The following TCAF2 variants were observed in gnomAD, a reference collection of about 807,000 sequenced individuals.
The protein encoded by TCAF2 is TRPM8 channel associated factor 2.
A neutral mutation model predicts 33.9 loss-of-function variants in TCAF2; 6 were observed. The ratio of observed to expected loss-of-function variants is 0.18; its 90% confidence interval spans 0.10 to 0.35. The LOEUF (loss-of-function observed/expected upper bound fraction) is 0.35, where lower values mean the gene tolerates loss of function less well. Among genes scored for constraint, TCAF2 ranks in the 10% least tolerant of loss-of-function variants. The pLI is 1.00. For missense variants in TCAF2, 109 were observed against 604.0 expected (o/e 0.18, Z 8.59); for synonymous variants, 41 against 247.8 (o/e 0.17, Z 7.84).
At chr7:143,718,335 G>A (rs373924746) in intron 2 of TCAF2, among the ~76,000 whole-genome samples, 6,736 of 141,744 alleles carry the variant, frequency 0.048, 232 homozygotes, top group Middle Eastern at 0.15. Flanking sequence ...GACGACCACT[G>A]AAGACATTTT....
intron 1 of TCAF2, among the ~76,000 whole-genome samples, chr7:143,634,985 A>AT (rs1808910224): frequency 8.2e-6 from 1 of 121,282 alleles, no homozygotes; most frequent in Non-Finnish European, 1.7e-5. Context: ...AGTTCTCTCT[A>AT]GTCCTTTTTT....
At chr7:143,725,356 T>C (rs1320553316) in intron 7 of TCAF2, among the ~76,000 whole-genome samples, 1 of 151,868 alleles carries the variant, frequency 6.6e-6, no homozygotes, top group East Asian at 1.9e-4. Context: ...TAGCCCTGCA[T>C]TGAATGTCGA....
Position 143,724,593 on chromosome 7 carries a change from G to T in TCAF2, c.2401G>T (p.Ala801Ser). Residue 801 changes from alanine (A) to serine (S), a missense_variant, in exon 7 of 8, where the codon GCT (alanine) becomes TCT (serine). Ala to Ser is a moderately conservative substitution (Grantham distance 99, BLOSUM62 1). Coordinates refer to ENST00000684770, the MANE Select transcript of TCAF2 (RefSeq NM_001363538.2). ...GATCCCCAGGGCTCAGGCCCACGAG[G>T]CTCTGAGCCCTCCAGAGCGAGAGAG... ...LGIPRAQAHE[A>S]LSPPERERRI... The T allele has an allele frequency of 6.2e-7, 1 of 1,610,940 alleles. No homozygotes were observed.
At chr7:143,624,252 C>T in intron 1 of TCAF2, 1 of 221,970 alleles carries the variant, frequency 4.5e-6, no homozygotes. Context: ...GGTACTGGGC[C>T]AGCCAGCACG....
At chr7:143,724,839 G>T (rs568967375) in intron 7 of TCAF2, 142 bp downstream of exon 7, 3 of 1,560,810 alleles carry the variant, frequency 1.9e-6, no homozygotes, top group African/African-American at 2.8e-5. Flanking sequence ...GGACTGGGCC[G>T]CAGGGTGGTG....
chr7:143,718,610 A>T (rs1043685805), intron 2 of TCAF2, among the ~76,000 whole-genome samples: 8 of 146,234 alleles, frequency 5.5e-5, no homozygotes, highest in Admixed American at 2.1e-4. Flanking sequence ...AAATTGTTTT[A>T]AAAAAATTCT....
In TCAF2 at chr7:143,729,387, C is replaced by T. The variant is rs1809759505; in HGVS notation, c.*1720C>T. ...GGTTTACAATTTAAACAAAATGTCACCTAGAAAATAGATGAAAATATGTTC... is the reference window on the plus strand; with the variant it reads ...GGTTTACAATTTAAACAAAATGTCATCTAGAAAATAGATGAAAATATGTTC... On this transcript the variant is annotated 3_prime_UTR_variant, in exon 8 of 8. Transcript: ENST00000684770. 6.6e-6 allele frequency: 1 copy of T among 152,120 alleles called. No individual in the cohort carries two copies. The highest frequency in any genetic ancestry group is 1.5e-5 in the Non-Finnish European group (1 of 68,030). The allele number at this position is 152,120 out of a possible 1,614,324, so 9.4% of individuals were successfully genotyped here.
At chr7:143,712,498 G>A (rs1167898675) in intron 2 of TCAF2, among the ~76,000 whole-genome samples, 1 of 101,318 alleles carries the variant, frequency 9.9e-6, no homozygotes, top group Non-Finnish European at 2.2e-5. Flanking sequence ...CTGCAAATAC[G>A]CATTGCACTC....
At position 143,707,336 on chromosome 7, in the gene TCAF2, A is replaced by G. The variant is rs1307811620; in HGVS notation, c.623+3719A>G. On this transcript the variant is annotated intron_variant, in intron 2 of 7. Transcript: ENST00000684770. ...CAGACTGAGACTCTGTCTCAAAAAAAAAAAAAAAAAAGTGTTAACATTGAA... is the reference window on the plus strand; with the variant it reads ...CAGACTGAGACTCTGTCTCAAAAAAGAAAAAAAAAAAGTGTTAACATTGAA... 6.8e-5 allele frequency among the ~76,000 whole-genome samples: 4 copies of G among 58,574 alleles called. 1 individual carries two copies. In the East Asian group the frequency reaches 1.5e-3, roughly 22 times the overall value. The allele number at this position is 58,574 out of a possible 152,430, so 38.4% of individuals were successfully genotyped here. A position where few individuals can be genotyped will look rare whatever the true frequency, so the allele number is the denominator to read the frequency against.
intron 1 of TCAF2, among the ~76,000 whole-genome samples, chr7:143,648,312 A>G (rs1365496145): frequency 2.4e-5 from 2 of 83,778 alleles, no homozygotes; most frequent in South Asian, 5.2e-4. Context: ...CCTTACTTGC[A>G]TATCTTAAAA....
Position 143,729,902 on chromosome 7 carries a change from T to C in TCAF2, c.*2235T>C, listed in dbSNP as rs1809775571. On this transcript the variant is annotated 3_prime_UTR_variant, in exon 8 of 8. Transcript: ENST00000684770. ...GTGTTAGTTTGCTGAGAATTATGGC[T>C]TCCAGCTTCATCCATGTCCCTGCAA... 1 of 152,182 alleles carries C rather than the reference T, an allele frequency of 6.6e-6. No individual in the cohort carries two copies. Among genetic ancestry groups the C allele is most frequent in the African/African-American group, 2.4e-5 (1 of 41,430 alleles). The allele number at this position is 152,182 out of a possible 1,614,324, so 9.4% of individuals were successfully genotyped here. A position where few individuals can be genotyped will look rare whatever the true frequency, so the allele number is the denominator to read the frequency against.
At chr7:143,718,523 A>C (rs1489700755) in intron 2 of TCAF2, among the ~76,000 whole-genome samples, 1 of 151,978 alleles carries the variant, frequency 6.6e-6, no homozygotes, top group Non-Finnish European at 1.5e-5. Flanking sequence ...TATTTTAATC[A>C]CTATATGGTT....
intron 1 of TCAF2, among the ~76,000 whole-genome samples, chr7:143,701,766 ATTTT>A (rs1294353309): frequency 1.9e-4 from 3 of 16,098 alleles, no homozygotes; most frequent in South Asian, 4.5e-3. Flanking sequence ...ATTTTACTTT[ATTTT>A]ATTTTATTTT....
chr7:143,647,476 C>G, intron 1 of TCAF2: 1 of 424,900 alleles, frequency 2.4e-6, no homozygotes, highest in East Asian at 3.5e-5. Flanking sequence ...CACCCGGCCC[C>G]GGCCATAGTG....
rs1809770675 is a variant in TCAF2 at position 143,729,678 on chromosome 7, T to G, written c.*2011T>G. 1 of 152,016 alleles carries G rather than the reference T, an allele frequency of 6.6e-6. No individual in the cohort carries two copies. Among genetic ancestry groups the G allele is most frequent in the Non-Finnish European group, 1.5e-5 (1 of 68,014 alleles). The allele number at this position is 152,016 out of a possible 1,614,324, so 9.4% of individuals were successfully genotyped here. On this transcript the variant is annotated 3_prime_UTR_variant, in exon 8 of 8. Transcript: ENST00000684770. ...TTACATAGGTATACATGTGCCATGG[T>G]GGTTTGCTGCACCTATCAATCCATC...
In TCAF2 at chr7:143,703,221, C is replaced by T; in HGVS notation, c.227C>T (p.Pro76Leu). 6.8e-7 allele frequency: 1 copy of T among 1,481,284 alleles called. No individual in the cohort carries two copies. The highest frequency in any genetic ancestry group is 1.2e-5 in the South Asian group (1 of 86,576). The allele number at this position is 1,481,284 out of a possible 1,614,324, so 91.8% of individuals were successfully genotyped here. The part of the protein sequence containing the change: ...EGYLSHTGLA[P>L]FLLNAVSWLC... ...TACCTGTCGCATACTGGCTTGGCTCCATTTCTCCTCAATGCAGTGAGCTGG... is the reference window on the plus strand; with the variant it reads ...TACCTGTCGCATACTGGCTTGGCTCTATTTCTCCTCAATGCAGTGAGCTGG... The change falls in exon 2 of 8, where the codon CCA (proline) becomes CTA (leucine). Residue 76 changes from proline (P) to leucine (L), a missense_variant. Transcript: ENST00000684770.
chr7:143,725,695 G>A (rs1415445390), intron 7 of TCAF2, among the ~76,000 whole-genome samples: 1 of 103,804 alleles, frequency 9.6e-6, no homozygotes, highest in Non-Finnish European at 2.2e-5. Flanking sequence ...TAGCCAGTCT[G>A]GGGGTATACG....
At chr7:143,707,353 A>T (rs1254095075) in intron 2 of TCAF2, among the ~76,000 whole-genome samples, 1 of 49,818 alleles carries the variant, frequency 2.0e-5, no homozygotes, top group East Asian at 4.4e-4. Flanking sequence ...AAAAAGTGTT[A>T]ACATTGAAAT....
chr7:143,648,600 A>C lies in TCAF2; in HGVS notation c.-12+27580A>C, dbSNP rs554119315. ...TTAAATTGTATAACACTACGCTTGA[A>C]GATTTATACAAACACACACTGTTTT... On this transcript the variant is annotated intron_variant, in intron 1 of 7. Transcript: ENST00000684770. Among the ~76,000 whole-genome samples the C allele has an allele frequency of 1.9e-3, 127 of 65,676 alleles. 27 individuals are homozygous for C. The highest frequency in any genetic ancestry group is 4.3e-3 in the African/African-American group (118 of 27,470). The allele number at this position is 65,676 out of a possible 152,430, so 43.1% of individuals were successfully genotyped here.
Sources: allele counts gnomAD v4.1 joint callset (sites outside exome capture counted in the v4.1 genomes callset), GRCh38; gene constraint gnomAD v4.1.1; transcripts MANE v1.5; gene names NCBI Gene and HGNC (gene_info 2026-07-23, HGNC 2026-07-21).